ZNF385B: variants seen among roughly 807,000 people sequenced by gnomAD.
ZNF385B encodes the protein zinc finger protein 533.
In ZNF385B, 23 loss-of-function variants were observed where a neutral mutation model predicts 39.2. The observed-to-expected ratio is 0.59, with a 90% CI of 0.42 to 0.83. The LOEUF (loss-of-function observed/expected upper bound fraction) is 0.83. ZNF385B is among the 40% of genes least tolerant of loss of function. The pLI is 0.00. For synonymous variants in ZNF385B, 205 were observed against 222.6 expected, an observed-to-expected ratio of 0.92 and a Z score of 0.70; for missense variants, 552 against 598.9, an observed-to-expected ratio of 0.92 and a Z score of 0.82.
At chr2:179,789,844 C>T (rs11683897) in intron 1 of ZNF385B, among the ~76,000 whole-genome samples, 3 of 151,558 alleles carry the variant, frequency 2.0e-5, no homozygotes, top group African/African-American at 7.3e-5. Context: ...GATGGGAGGG[C>T]GGAAATGGAA....
At chr2:179,569,281 T>G (rs1684943808) in intron 3 of ZNF385B, among the ~76,000 whole-genome samples, 1 of 152,218 alleles carries the variant, frequency 6.6e-6, no homozygotes, top group Non-Finnish European at 1.5e-5. Context: ...AAATATCTTT[T>G]GCACCATCCA....
At chr2:179,658,578 T>A (rs562389135) in intron 3 of ZNF385B, among the ~76,000 whole-genome samples, 1 of 152,156 alleles carries the variant, frequency 6.6e-6, no homozygotes, top group African/African-American at 2.4e-5. Context: ...TATAATACTG[T>A]TACCAAGTAG....
intron 3 of ZNF385B, among the ~76,000 whole-genome samples, chr2:179,762,715 T>G (rs866975362): frequency 2.0e-5 from 3 of 152,158 alleles, no homozygotes; most frequent in South Asian, 2.1e-4. Context: ...ATAAAATAAG[T>G]TGGGCAGTGT....
At chr2:179,847,793 T>C (rs766154075) in intron 1 of ZNF385B, among the ~76,000 whole-genome samples, 1 of 152,176 alleles carries the variant, frequency 6.6e-6, no homozygotes, top group Non-Finnish European at 1.5e-5. Flanking sequence ...CTCTGACCCC[T>C]CAGAGGAGAC....
intron 1 of ZNF385B, among the ~76,000 whole-genome samples, chr2:179,821,186 C>A (rs1707373566): frequency 6.6e-6 from 1 of 152,198 alleles, no homozygotes; most frequent in Non-Finnish European, 1.5e-5. Context: ...ACAGGGAATT[C>A]TCTCTCCTGT....
chr2:179,626,794 G>A (rs3106703), intron 3 of ZNF385B, among the ~76,000 whole-genome samples: 29,799 of 152,016 alleles, frequency 0.2, 4,138 homozygotes, highest in African/African-American at 0.4. Flanking sequence ...GAACTGAGAC[G>A]TTGTTAATCA....
chr2:179,627,576 G>C (rs937446945), intron 3 of ZNF385B, among the ~76,000 whole-genome samples: 1 of 152,126 alleles, frequency 6.6e-6, no homozygotes, highest in Non-Finnish European at 1.5e-5. Context: ...CTCCAGATGT[G>C]GGCTGGAGCT....
In ZNF385B at chr2:179,861,608, A is replaced by G. The variant is rs1057262160; in HGVS notation, c.-662T>C. 6.6e-6 allele frequency: 1 copy of G among 152,190 alleles called. No homozygotes were observed. Among genetic ancestry groups the G allele is most frequent in the Non-Finnish European group, 1.5e-5 (1 of 68,036 alleles). 9.4% of individuals were successfully genotyped at this position (152,190 alleles called of 1,614,324 possible). ...CGGAACCGTTCGGGGGCTCGTTGAC[A>G]CTGCAGAGCCTCCCGCAGCATCGCT... On this transcript the variant is annotated 5_prime_UTR_variant, in exon 1 of 10. Coordinates refer to ENST00000410066, the MANE Select transcript of ZNF385B (RefSeq NM_152520.6).
intron 1 of ZNF385B, among the ~76,000 whole-genome samples, chr2:179,777,209 T>C (rs1477326122): frequency 6.6e-6 from 1 of 152,076 alleles, no homozygotes; most frequent in Non-Finnish European, 1.5e-5. Flanking sequence ...GAATGGATTT[T>C]ATTTTTAATG....
At chr2:179,596,333 C>T (rs899313580) in intron 3 of ZNF385B, among the ~76,000 whole-genome samples, 3 of 152,128 alleles carry the variant, frequency 2.0e-5, no homozygotes, top group Non-Finnish European at 4.4e-5. Flanking sequence ...GTTTTATCAG[C>T]CTGCTTTCTG....
At chr2:179,692,191 C>G (rs1349013200) in intron 3 of ZNF385B, among the ~76,000 whole-genome samples, 1 of 152,190 alleles carries the variant, frequency 6.6e-6, no homozygotes, top group Non-Finnish European at 1.5e-5. Context: ...TCATTCTGCT[C>G]TCTATCTCCA....
intron 4 of ZNF385B, among the ~76,000 whole-genome samples, chr2:179,541,949 C>T (rs2059943849): frequency 6.6e-6 from 1 of 152,144 alleles, no homozygotes; most frequent in African/African-American, 2.4e-5. Flanking sequence ...TCAGTTCTTC[C>T]TTCAATAACT....
At chr2:179,527,236 C>T (rs373377821) in intron 4 of ZNF385B, among the ~76,000 whole-genome samples, 20 of 152,238 alleles carry the variant, frequency 1.3e-4, no homozygotes, top group South Asian at 1.0e-3. Context: ...TATATATTCC[C>T]GATAGAAAAC....
intron 3 of ZNF385B, among the ~76,000 whole-genome samples, chr2:179,760,235 T>C (rs1703299186): frequency 6.6e-6 from 1 of 151,794 alleles, no homozygotes; most frequent in African/African-American, 2.4e-5. Flanking sequence ...TGTGTGTGTG[T>C]GTGTGTGTGT....
intron 1 of ZNF385B, among the ~76,000 whole-genome samples, chr2:179,818,231 T>TTTATTATTAAATTTA (rs1452948060): frequency 6.6e-6 from 1 of 152,144 alleles, no homozygotes; most frequent in Non-Finnish European, 1.5e-5. Context: ...CAAGTGCAGT[T>TTTATTATTAAATTTA]TTATTAAAAT....
At chr2:179,578,744 G>T (rs887292821) in intron 3 of ZNF385B, among the ~76,000 whole-genome samples, 6 of 151,984 alleles carry the variant, frequency 3.9e-5, no homozygotes, top group Non-Finnish European at 2.9e-5. Flanking sequence ...AGTCACAGTG[G>T]CCCTTCACTG....
intron 3 of ZNF385B, among the ~76,000 whole-genome samples, chr2:179,709,594 G>A (rs941145696): frequency 1.4e-4 from 22 of 152,182 alleles, no homozygotes; most frequent in Admixed American, 3.9e-4. Flanking sequence ...CACAGAAGAC[G>A]TGGCCCATTG....
At chr2:179,827,900 C>T (rs993608218) in intron 1 of ZNF385B, among the ~76,000 whole-genome samples, 1 of 152,122 alleles carries the variant, frequency 6.6e-6, no homozygotes, top group Non-Finnish European at 1.5e-5. Flanking sequence ...TAACCACTAT[C>T]CTGACTTTTG....
intron 3 of ZNF385B, among the ~76,000 whole-genome samples, chr2:179,610,324 A>G (rs1689185337): frequency 6.6e-6 from 1 of 152,098 alleles, no homozygotes; most frequent in Non-Finnish European, 1.5e-5. Context: ...TCTTTCCCCA[A>G]TCTCTGTTCT....
Sources: allele counts gnomAD v4.1 joint callset (sites outside exome capture counted in the v4.1 genomes callset), GRCh38; gene constraint gnomAD v4.1.1; transcripts MANE v1.5; gene names NCBI Gene and HGNC (gene_info 2026-07-23, HGNC 2026-07-21).